The following GPAM variants were observed in gnomAD, a reference collection of about 807,000 sequenced individuals.
GPAM encodes glycerol-3-phosphate acyltransferase 1, mitochondrial.
Under a neutral mutation model 105.0 loss-of-function variants are expected in GPAM, and 56 were observed. That is an observed-to-expected ratio of 0.53 (90% CI 0.43 to 0.67). The LOEUF is 0.67. GPAM is among the 30% of genes least tolerant of loss of function. The probability of loss-of-function intolerance (pLI) is 0.00; values close to 1 mark genes in which losing one functional copy is unlikely to be tolerated. For missense variants in GPAM, 855 were observed against 989.8 expected (o/e 0.86, Z 1.83); for synonymous variants, 368 against 354.4 (o/e 1.04, Z -0.43).
At chr10:112,178,316 G>A (rs376206900) in intron 4 of GPAM, among the ~76,000 whole-genome samples, 8 of 152,212 alleles carry the variant, frequency 5.3e-5, no homozygotes, top group Non-Finnish European at 7.4e-5. Context: ...TTGGGAGGCC[G>A]AAGCGGGCAG....
At chr10:112,208,678 A>G (rs759958307) in intron 1 of GPAM, among the ~76,000 whole-genome samples, 20 of 152,128 alleles carry the variant, frequency 1.3e-4, no homozygotes, top group Admixed American at 6.5e-5. Flanking sequence ...TGCTTCTCGG[A>G]CTCTGAGCTA....
upstream of GPAM, among the ~76,000 whole-genome samples, chr10:112,215,966 G>A (rs188779370): frequency 2.3e-4 from 35 of 152,250 alleles, no homozygotes; most frequent in Middle Eastern, 3.4e-3. Flanking sequence ...TGCTCTGTTC[G>A]GCTTATGAAG....
chr10:112,185,189 G>A (rs760178531), upstream of GPAM, among the ~76,000 whole-genome samples: 1 of 152,072 alleles, frequency 6.6e-6, no homozygotes, highest in South Asian at 2.1e-4. Context: ...GGATTAAACC[G>A]TTTTTGAGAA....
In GPAM at chr10:112,172,274, A is replaced by T. The variant is rs985190418; in HGVS notation, c.702T>A (p.Ile234=). 1 of 1,611,476 alleles carries T rather than the reference A, an allele frequency of 6.2e-7. No individual in the cohort carries two copies. Among genetic ancestry groups the T allele is most frequent in the Non-Finnish European group, 8.5e-7 (1 of 1,177,624 alleles). The change falls in exon 9 of 22, where the codon ATT becomes ATA. Residue 234 remains isoleucine, a synonymous_variant. Coordinates refer to ENST00000348367, the MANE Select transcript of GPAM (RefSeq NM_001244949.2). ...GAATGAAAGTGAGCAGCAGATAGTC[A>T]ATATGGGATCTATGAACTGGTAGAA... ...LLFLPVHRSH[I]DYLLLTFILF...
chr10:112,173,592 C>T, intron 7 of GPAM, 107 bp downstream of exon 7: 3 of 1,091,868 alleles, frequency 2.7e-6, no homozygotes, highest in Non-Finnish European at 4.2e-6. Context: ...TTCATTAAAA[C>T]ATCTTTTGGA....
Position 112,150,420 on chromosome 10 carries a change from C to G in GPAM, c.*3130G>C, listed in dbSNP as rs1047246689. 1.0e-6 allele frequency: 1 copy of G among 985,728 alleles called. No homozygotes were observed. The highest frequency in any genetic ancestry group is 1.2e-6 in the Non-Finnish European group (1 of 829,906). 61.1% of individuals were successfully genotyped at this position (985,728 alleles called of 1,614,324 possible). A position where few individuals can be genotyped will look rare whatever the true frequency, so the allele number is the denominator to read the frequency against. ...CTCTATCAAAGGAAAGAGCTCCGAT[C>G]ACCTACATTATAATTTTCTGTGCTT... On this transcript the variant is annotated 3_prime_UTR_variant, in exon 22 of 22. Coordinates refer to ENST00000348367, the MANE Select transcript of GPAM (RefSeq NM_001244949.2).
chr10:112,216,681 T>A (rs1847972808), upstream of GPAM, among the ~76,000 whole-genome samples: 1 of 151,980 alleles, frequency 6.6e-6, no homozygotes, highest in Admixed American at 6.6e-5. Context: ...TGGAGTGCAG[T>A]GGTGTGATCT....
chr10:112,175,324 C>T (rs1847383899), intron 6 of GPAM, among the ~76,000 whole-genome samples: 1 of 152,220 alleles, frequency 6.6e-6, no homozygotes, highest in South Asian at 2.1e-4. Context: ...ATATGTGCAT[C>T]TCTGAACTCT....
chr10:112,196,172 GAGAC>G (rs1294699507), intron 1 of GPAM, among the ~76,000 whole-genome samples: 1 of 152,200 alleles, frequency 6.6e-6, no homozygotes, highest in African/African-American at 2.4e-5. Flanking sequence ...GGCATGGCTA[GAGAC>G]TTATTTTTAT....
chr10:112,156,675 G>A (rs1564809682), intron 19 of GPAM: 1 of 165,754 alleles, frequency 6.0e-6, no homozygotes. Flanking sequence ...TACCACCCAA[G>A]TGAAAAAGAA....
intron 5 of GPAM, 106 bp downstream of exon 5, chr10:112,177,878 T>C (rs1173624588): frequency 1.5e-6 from 1 of 683,796 alleles, no homozygotes; most frequent in Non-Finnish European, 2.7e-6. Flanking sequence ...ACTCATATTC[T>C]ATTCACTCTC....
At chr10:112,154,143 T>A in intron 21 of GPAM, 1 of 189,914 alleles carries the variant, frequency 5.3e-6, no homozygotes, top group South Asian at 1.0e-4. Flanking sequence ...AATCCCAAAA[T>A]CAAAAATCTG....
chr10:112,194,792 CT>C (rs1564688212), intron 1 of GPAM, among the ~76,000 whole-genome samples: 1 of 152,156 alleles, frequency 6.6e-6, no homozygotes, highest in Admixed American at 6.5e-5. Flanking sequence ...TTCTACCCCC[CT>C]AGATGTTTTC....
At chr10:112,198,331 C>T (rs1211742185) in intron 1 of GPAM, among the ~76,000 whole-genome samples, 1 of 152,166 alleles carries the variant, frequency 6.6e-6, no homozygotes, top group African/African-American at 2.4e-5. Context: ...GATTCAACTT[C>T]AGCATGTTTT....
At chr10:112,157,093 T>A in intron 19 of GPAM, 156 bp downstream of exon 19, 1 of 738,000 alleles carries the variant, frequency 1.4e-6, no homozygotes, top group Non-Finnish European at 2.4e-6. Context: ...TTAATTCAAC[T>A]CAAACAGTTT....
chr10:112,175,779 C>A, intron 5 of GPAM, 66 bp from the exon 6 acceptor site: 5 of 993,574 alleles, frequency 5.0e-6, no homozygotes, highest in South Asian at 1.3e-5. Context: ...AAATCATAAA[C>A]TAATTTTCCG....
At chr10:112,207,450 G>T (rs1252277104) in intron 1 of GPAM, among the ~76,000 whole-genome samples, 4 of 152,190 alleles carry the variant, frequency 2.6e-5, no homozygotes, top group South Asian at 2.1e-4. Flanking sequence ...GCCAGCACAG[G>T]TTCCGAAGGA....
chr10:112,155,870 C>G lies in GPAM; in HGVS notation c.2305G>C (p.Val769Leu), dbSNP rs1847008652. The G allele has an allele frequency of 6.5e-7, 1 of 1,535,160 alleles. No individual in the cohort carries two copies. The highest frequency in any genetic ancestry group is 9.0e-7 in the Non-Finnish European group (1 of 1,111,174). Residue 769 changes from valine (V) to leucine (L), a missense_variant, in exon 20 of 22, where the codon GTA becomes CTA. Transcript: ENST00000348367. ...LITRTERNVAVYAESATYCLV... is the reference protein window; with the variant it reads ...LITRTERNVALYAESATYCLV... The stretch of plus-strand genomic sequence containing the variant: ...AAATAGTGACTTAACATACCATATA[C>G]TGCAACATTTCTTTCTGTTCTGGTT...
intron 20 of GPAM, 60 bp from the exon 21 acceptor site, chr10:112,154,747 A>G: frequency 8.0e-7 from 1 of 1,255,404 alleles, no homozygotes; most frequent in East Asian, 2.3e-5. Flanking sequence ...TGACAATCCC[A>G]GCAGCCACAG....
Sources: gnomAD v4.1 joint callset for allele counts (sites outside exome capture counted in the v4.1 genomes callset) on GRCh38, gnomAD v4.1.1 for gene constraint, MANE v1.5 for transcripts, NCBI Gene and HGNC (gene_info 2026-07-23, HGNC 2026-07-21) for gene names.